Variants in SPTSSB observed in about 807,000 individuals in gnomAD.
The protein encoded by SPTSSB is serine palmitoyltransferase small subunit B.
In SPTSSB, 6 loss-of-function variants were observed where a neutral mutation model predicts 7.7. The observed-to-expected ratio is 0.78, with a 90% CI of 0.43 to 1.54. SPTSSB has a LOEUF of 1.54. Ranked by LOEUF, SPTSSB falls within the 40% of genes most tolerant of loss-of-function variation. SPTSSB has a pLI of 0.01. For missense variants in SPTSSB, 91 were observed against 93.0 expected (o/e 0.98, Z 0.09); for synonymous variants, 28 against 29.7 (o/e 0.94, Z 0.19).
intron 2 of SPTSSB, among the ~76,000 whole-genome samples, chr3:161,357,347 C>G (rs1312080575): frequency 2.0e-5 from 3 of 152,208 alleles, no homozygotes; most frequent in Non-Finnish European, 2.9e-5. Context: ...ATTTCTGATT[C>G]TCCTGAGAAT....
At chr3:161,352,493 G>A (rs1714587563) in intron 2 of SPTSSB, among the ~76,000 whole-genome samples, 1 of 152,176 alleles carries the variant, frequency 6.6e-6, no homozygotes, top group African/African-American at 2.4e-5. Flanking sequence ...AACATTTTTA[G>A]TTATGCACAG....
chr3:161,352,062 A>G (rs1714564289), intron 2 of SPTSSB, among the ~76,000 whole-genome samples: 1 of 152,212 alleles, frequency 6.6e-6, no homozygotes, highest in Non-Finnish European at 1.5e-5. Context: ...TGAAATAGCT[A>G]CCTACTTGTC....
chr3:161,348,849 T>C (rs1410063036), intron 2 of SPTSSB, among the ~76,000 whole-genome samples: 6 of 152,210 alleles, frequency 3.9e-5, no homozygotes, highest in African/African-American at 1.4e-4. Context: ...AGTTTGTGTG[T>C]CATTTCTTAT....
chr3:161,352,579 G>T (rs1244973062), intron 2 of SPTSSB, among the ~76,000 whole-genome samples: 4 of 152,206 alleles, frequency 2.6e-5, no homozygotes, highest in African/African-American at 9.6e-5. Flanking sequence ...CCCAGTGCCT[G>T]GTTGGTGAGC....
intron 2 of SPTSSB, among the ~76,000 whole-genome samples, chr3:161,346,854 G>C (rs965244290): frequency 1.2e-4 from 19 of 152,148 alleles, no homozygotes; most frequent in Non-Finnish European, 2.8e-4. Flanking sequence ...GGAAGAAGTA[G>C]GTTGCTTTTG....
In SPTSSB at chr3:161,345,900, A is replaced by G; in HGVS notation, c.*193T>C. ...CTGTATTATCTCCGGTCTAAAGCAC[A>G]ATGTAGCATGTGCAAAAGAAACTAA... On this transcript the variant is annotated 3_prime_UTR_variant, in exon 3 of 3. Transcript: ENST00000620149. 1 of 508,672 alleles carries G rather than the reference A, an allele frequency of 2.0e-6. No homozygotes were observed. The highest frequency in any genetic ancestry group is 2.4e-5 in the South Asian group (1 of 42,006). The allele number at this position is 508,672 out of a possible 1,614,324, so 31.5% of individuals were successfully genotyped here.
chr3:161,346,863 T>G (rs1238004062), intron 2 of SPTSSB, among the ~76,000 whole-genome samples: 1 of 152,104 alleles, frequency 6.6e-6, no homozygotes, highest in Admixed American at 6.5e-5. Context: ...AGGTTGCTTT[T>G]GAGGGGCCAC....
At chr3:161,370,430 C>G (rs1322684785) in intron 1 of SPTSSB, among the ~76,000 whole-genome samples, 1 of 152,198 alleles carries the variant, frequency 6.6e-6, no homozygotes, top group African/African-American at 2.4e-5. Context: ...ACAAAGCCTT[C>G]ACAGCCCTTG....
chr3:161,363,432 T>A (rs527775171), intron 1 of SPTSSB, among the ~76,000 whole-genome samples: 1 of 152,082 alleles, frequency 6.6e-6, no homozygotes, highest in Non-Finnish European at 1.5e-5. Flanking sequence ...CTGACAACTT[T>A]AAGAGAAATA....
chr3:161,362,847 G>C (rs935635958), intron 1 of SPTSSB, among the ~76,000 whole-genome samples: 3 of 152,108 alleles, frequency 2.0e-5, no homozygotes, highest in Admixed American at 2.0e-4. Context: ...CAAATGTAGA[G>C]TTTAGACAAC....
intron 1 of SPTSSB, among the ~76,000 whole-genome samples, chr3:161,369,314 C>CTTTCTCTTTCTTTCTTTCTT (rs1278233391): frequency 5.5e-4 from 36 of 65,726 alleles, no homozygotes; most frequent in African/African-American, 2.7e-3. Flanking sequence ...TTCTTTCTTT[C>CTTTCTCTTTCTTTCTTTCTT]TCTTTCTTTC....
chr3:161,357,299 T>TA (rs1484989786), intron 2 of SPTSSB, among the ~76,000 whole-genome samples: 1 of 152,222 alleles, frequency 6.6e-6, no homozygotes, highest in Non-Finnish European at 1.5e-5. Context: ...AATGATATAC[T>TA]AAAAGAAAAA....
At position 161,345,374 on chromosome 3, in the gene SPTSSB, T is replaced by C. The variant is rs371309381; in HGVS notation, c.*719A>G. 4.0e-4 allele frequency: 61 copies of C among 152,702 alleles called. No individual in the cohort carries two copies. The highest frequency in any genetic ancestry group is 1.3e-3 in the African/African-American group (55 of 41,566). 9.5% of individuals were successfully genotyped at this position (152,702 alleles called of 1,614,324 possible). On this transcript the variant is annotated 3_prime_UTR_variant, in exon 3 of 3. Transcript: ENST00000620149. ...AGGCAAGGCAACACCACAAATACAA[T>C]AACTGAATTTACTTTGATTATACTT...
rs779477685 is a variant in SPTSSB, at chr3:161,369,318, T to TTC, written c.-126+2115_-126+2116dup. On this transcript the variant is annotated intron_variant, in intron 1 of 2. Coordinates refer to ENST00000620149, the MANE Select transcript of SPTSSB (RefSeq NM_001040100.2). Reference sequence around the variant, plus strand: ...TCTTTCTTTCTTTCTTTCTTTCTCTTTCTTTCTTTCTTTCTTTCTTTCTTT... The same window carrying TTC: ...TCTTTCTTTCTTTCTTTCTTTCTCTTTCTCTTTCTTTCTTTCTTTCTTTCTTT... Among the ~76,000 whole-genome samples, 125 of 77,742 alleles carry TTC rather than the reference T, an allele frequency of 1.6e-3. 1 individual carries two copies. Among genetic ancestry groups the TTC allele is most frequent in the East Asian group, 6.3e-3 (13 of 2,078 alleles). The allele number at this position is 77,742 out of a possible 152,430, so 51.0% of individuals were successfully genotyped here. A position where few individuals can be genotyped will look rare whatever the true frequency, so the allele number is the denominator to read the frequency against.
intron 2 of SPTSSB, among the ~76,000 whole-genome samples, chr3:161,358,856 G>GT (rs1413909287): frequency 2.6e-5 from 4 of 152,134 alleles, no homozygotes; most frequent in Non-Finnish European, 5.9e-5. Context: ...ATCAAGGCTT[G>GT]TTATCAATAA....
At chr3:161,346,481 T>C (rs1166498069) in intron 2 of SPTSSB, 126 bp from the exon 3 acceptor site, 1 of 508,200 alleles carries the variant, frequency 2.0e-6, no homozygotes, top group Non-Finnish European at 3.5e-6. Flanking sequence ...ATTATTAATA[T>C]ATGAATATTC....
rs61743491 is a variant in SPTSSB at position 161,359,882 on chromosome 3, G to T, written c.-113C>A. The T allele has an allele frequency of 6.4e-4, 483 of 750,828 alleles. 1 individual carries two copies. In the African/African-American group the frequency reaches 8.2e-3, roughly 13 times the overall value. The allele number at this position is 750,828 out of a possible 1,614,324, so 46.5% of individuals were successfully genotyped here. A position where few individuals can be genotyped will look rare whatever the true frequency, so the allele number is the denominator to read the frequency against. ...GTGGGTTAGTTCTCCTCTCTGGGTTGCTGTTTCCTCATCTGCAAAATAAAG... is the reference window on the plus strand; with the variant it reads ...GTGGGTTAGTTCTCCTCTCTGGGTTTCTGTTTCCTCATCTGCAAAATAAAG... On this transcript the variant is annotated 5_prime_UTR_variant, in exon 2 of 3. Coordinates refer to ENST00000620149, the MANE Select transcript of SPTSSB (RefSeq NM_001040100.2).
At chr3:161,364,583 AAGCAT>A (rs1715142021) in intron 1 of SPTSSB, among the ~76,000 whole-genome samples, 2 of 152,088 alleles carry the variant, frequency 1.3e-5, no homozygotes, top group African/African-American at 4.8e-5. Flanking sequence ...ACACAGGAAA[AAGCAT>A]TAGATTTTCA....
intron 2 of SPTSSB, among the ~76,000 whole-genome samples, chr3:161,357,010 GGAAAA>G (rs1190852238): frequency 1.3e-5 from 2 of 151,994 alleles, no homozygotes; most frequent in Non-Finnish European, 2.9e-5. Context: ...AAATAAAAAA[GGAAAA>G]GAAAAGAGTG....
Sources: gnomAD v4.1 joint callset for allele counts (sites outside exome capture counted in the v4.1 genomes callset) on GRCh38, gnomAD v4.1.1 for gene constraint, MANE v1.5 for transcripts, NCBI Gene and HGNC (gene_info 2026-07-23, HGNC 2026-07-21) for gene names.